Variants in SHROOM3 observed in about 807,000 individuals in gnomAD.
SHROOM3 encodes the protein protein Shroom3.
In SHROOM3, 47 loss-of-function variants were observed where a neutral mutation model predicts 138.6. The observed-to-expected ratio is 0.34, with a 90% CI of 0.27 to 0.43. The LOEUF (loss-of-function observed/expected upper bound fraction) is 0.43. Among genes scored for constraint, SHROOM3 ranks in the 20% least tolerant of loss-of-function variants. The pLI, the probability that SHROOM3 is intolerant of heterozygous loss-of-function variation, is 1.00. For missense variants in SHROOM3, 2,491 were observed against 2,596.5 expected (o/e 0.96, Z 0.88); for synonymous variants, 1,062 against 1,063.3 (o/e 1.00, Z 0.02).
chr4:76,779,000 G>C lies in SHROOM3; in HGVS notation c.5814G>C (p.Leu1938=), dbSNP rs771178020. 8.1e-6 allele frequency: 13 copies of C among 1,614,052 alleles called. No homozygotes were observed. Among genetic ancestry groups the C allele is most frequent in the Non-Finnish European group, 1.1e-5 (13 of 1,180,034 alleles). The change falls in exon 11 of 11, where the codon CTG becomes CTC. Residue 1938 remains leucine, a synonymous_variant. Transcript: ENST00000296043. ...CGCTCCTCATTGAGCAACGGAAGCT[G>C]GATGACAAGATCAAGCTGGGCCAGG... The part of the protein sequence containing the change: ...KSTLLIEQRK[L]DDKIKLGQEQ...
At chr4:76,512,629 A>C (rs1240950736) in intron 1 of SHROOM3, among the ~76,000 whole-genome samples, 1 of 152,162 alleles carries the variant, frequency 6.6e-6, no homozygotes, top group Non-Finnish European at 1.5e-5. Context: ...GTTACTATCT[A>C]AATTACCTCC....
At chr4:76,475,946 C>T (rs1247429464) in intron 1 of SHROOM3, among the ~76,000 whole-genome samples, 1 of 152,118 alleles carries the variant, frequency 6.6e-6, no homozygotes, top group African/African-American at 2.4e-5. Flanking sequence ...TACAATATTC[C>T]AAGAGATCTG....
chr4:76,502,908 A>G (rs1732130296), intron 1 of SHROOM3, among the ~76,000 whole-genome samples: 1 of 152,122 alleles, frequency 6.6e-6, no homozygotes, highest in Non-Finnish European at 1.5e-5. Flanking sequence ...CTTTTCCATC[A>G]GTTCACTGCA....
At chr4:76,590,409 G>A (rs1180610911) in intron 2 of SHROOM3, among the ~76,000 whole-genome samples, 1 of 152,126 alleles carries the variant, frequency 6.6e-6, no homozygotes, top group East Asian at 1.9e-4. Flanking sequence ...GTATGCCTGA[G>A]TGGAGGCCGC....
intron 1 of SHROOM3, among the ~76,000 whole-genome samples, chr4:76,483,499 A>G (rs1032099959): frequency 5.3e-5 from 8 of 152,200 alleles, no homozygotes; most frequent in African/African-American, 1.7e-4. Flanking sequence ...AGGAAACAAC[A>G]GGTGCTGGAG....
rs116685886 is a variant in SHROOM3, at chr4:76,503,717, C to T, written c.169-51892C>T. Among the ~76,000 whole-genome samples the T allele has an allele frequency of 1.7e-3, 262 of 152,234 alleles. 1 individual carries two copies. The highest frequency in any genetic ancestry group is 5.9e-3 in the African/African-American group (246 of 41,528). On this transcript the variant is annotated intron_variant, in intron 1 of 10. Transcript: ENST00000296043. Reference sequence around the variant, plus strand: ...GTGCTGGGATTACAGGTGTGAGCCACGGTGATTGGCCATATAATTGATTTT... The same window carrying T: ...GTGCTGGGATTACAGGTGTGAGCCATGGTGATTGGCCATATAATTGATTTT...
chr4:76,669,707 C>T (rs184722306), intron 2 of SHROOM3, among the ~76,000 whole-genome samples: 1 of 151,796 alleles, frequency 6.6e-6, no homozygotes, highest in Non-Finnish European at 1.5e-5. Flanking sequence ...TTGTGCAAAC[C>T]AAAACGAGTA....
chr4:76,765,125 T>A (rs545212997), intron 9 of SHROOM3, among the ~76,000 whole-genome samples: 106 of 151,350 alleles, frequency 7.0e-4, no homozygotes, highest in African/African-American at 1.6e-3. Flanking sequence ...TTTTTTTTTT[T>A]AATTTCAAAT....
At chr4:76,770,460 G>GGAAAGAAGGCTATTAT (rs139426130) in intron 9 of SHROOM3, among the ~76,000 whole-genome samples, 166 bp from the exon 10 acceptor site, 25,705 of 151,514 alleles carry the variant, frequency 0.17, 2,695 homozygotes, top group African/African-American at 0.28. Context: ...AGACCCTTAG[G>GGAAAGAAGGCTATTAT]GAAAGAAGGC....
intron 2 of SHROOM3, among the ~76,000 whole-genome samples, chr4:76,670,957 A>G (rs1302683311): frequency 6.6e-6 from 1 of 152,108 alleles, no homozygotes; most frequent in Non-Finnish European, 1.5e-5. Context: ...AAAATAAATA[A>G]ATAAATAAAA....
chr4:76,591,571 A>G (rs1407484821), intron 2 of SHROOM3, among the ~76,000 whole-genome samples: 1 of 152,138 alleles, frequency 6.6e-6, no homozygotes, highest in Non-Finnish European at 1.5e-5. Context: ...TATATTCTTG[A>G]TTGGTAGTGT....
intron 2 of SHROOM3, among the ~76,000 whole-genome samples, chr4:76,680,905 C>A (rs1334181785): frequency 6.6e-6 from 1 of 152,194 alleles, no homozygotes; most frequent in Non-Finnish European, 1.5e-5. Context: ...TCATTATGAT[C>A]AAAATCAATG....
intron 10 of SHROOM3, among the ~76,000 whole-genome samples, chr4:76,778,222 ATTT>A (rs71212454): frequency 7.1e-6 from 1 of 139,914 alleles, no homozygotes; most frequent in Non-Finnish European, 1.6e-5. Flanking sequence ...TACCTTGATG[ATTT>A]TTTTTTTTTT....
chr4:76,672,596 C>T (rs2110098760), intron 2 of SHROOM3, among the ~76,000 whole-genome samples: 1 of 151,830 alleles, frequency 6.6e-6, no homozygotes, highest in African/African-American at 2.4e-5. Flanking sequence ...TTTTTTAGAC[C>T]AAGTCTCGCT....
rs1057403166 is a variant in SHROOM3, at chr4:76,556,466, C to T, written c.323+703C>T. 2.0e-5 allele frequency among the ~76,000 whole-genome samples: 3 copies of T among 152,316 alleles called. No homozygotes were observed. The East Asian group carries it at 5.8e-4, about 29-fold the overall frequency. ...ATAGCTAATCACTATCCCCATTTTA[C>T]AGGCAAGAGATTAAATAGGTTACTG... On this transcript the variant is annotated intron_variant, in intron 2 of 10. Transcript: ENST00000296043.
intron 2 of SHROOM3, among the ~76,000 whole-genome samples, chr4:76,631,656 G>A (rs993250113): frequency 6.6e-6 from 1 of 152,186 alleles, no homozygotes. Flanking sequence ...GAAGCACAGC[G>A]AGCAGGGTTG....
At chr4:76,756,163 C>T (rs1277842424) in intron 7 of SHROOM3, among the ~76,000 whole-genome samples, 1 of 152,156 alleles carries the variant, frequency 6.6e-6, no homozygotes, top group African/African-American at 2.4e-5. Context: ...TCTCACCCTA[C>T]TCCTATGTAT....
intron 2 of SHROOM3, among the ~76,000 whole-genome samples, chr4:76,661,440 C>T (rs543044352): frequency 1.9e-4 from 29 of 152,116 alleles, no homozygotes; most frequent in Non-Finnish European, 3.7e-4. Context: ...CCACGTTAGC[C>T]AGGATGGTCT....
chr4:76,669,536 C>T (rs1392294710), intron 2 of SHROOM3, among the ~76,000 whole-genome samples: 1 of 151,870 alleles, frequency 6.6e-6, no homozygotes, highest in Non-Finnish European at 1.5e-5. Context: ...ATCACTTGAA[C>T]CCGGGAGGTA....
Sources: gnomAD v4.1 joint callset for allele counts (sites outside exome capture counted in the v4.1 genomes callset) on GRCh38, gnomAD v4.1.1 for gene constraint, MANE v1.5 for transcripts, NCBI Gene and HGNC (gene_info 2026-07-23, HGNC 2026-07-21) for gene names.